Variants in PTPRN2 observed in about 807,000 individuals in gnomAD.
PTPRN2 encodes receptor-type tyrosine-protein phosphatase N2.
PTPRN2 carries 74 observed loss-of-function variants against 118.8 expected under a neutral mutation model. The observed-to-expected ratio is 0.62, with a 90% confidence interval of 0.52 to 0.76. The LOEUF (loss-of-function observed/expected upper bound fraction) is 0.76, where lower values mean the gene tolerates loss of function less well. PTPRN2 is among the 30% of genes least tolerant of loss of function. The pLI is 0.00. For synonymous variants in PTPRN2, 641 were observed against 608.0 expected (o/e 1.05, Z -0.80); for missense variants, 1,481 against 1,394.4 (o/e 1.06, Z -0.99).
chr7:158,411,508 G>T (rs188974419), intron 2 of PTPRN2, among the ~76,000 whole-genome samples: 1 of 152,168 alleles, frequency 6.6e-6, no homozygotes, highest in Non-Finnish European at 1.5e-5. Flanking sequence ...GGGAGCCAAG[G>T]CACCTGCAAG....
At chr7:158,368,827 G>C (rs1009362351) in intron 2 of PTPRN2, among the ~76,000 whole-genome samples, 4 of 152,242 alleles carry the variant, frequency 2.6e-5, no homozygotes, top group African/African-American at 7.2e-5. Flanking sequence ...CTGCCAGACA[G>C]AGGTGAAGAG....
chr7:157,969,518 G>T (rs138434978), intron 11 of PTPRN2, among the ~76,000 whole-genome samples: 4 of 152,312 alleles, frequency 2.6e-5, no homozygotes, highest in Admixed American at 6.5e-5. Flanking sequence ...GGAGCTGGGA[G>T]GTGGTGGCAG....
intron 12 of PTPRN2, among the ~76,000 whole-genome samples, chr7:157,840,453 A>ACCGCGTGTGACTGTGTGG (rs1808335918): frequency 7.5e-6 from 1 of 134,210 alleles, no homozygotes; most frequent in Non-Finnish European, 1.6e-5. Context: ...TGACTGTGTG[A>ACCGCGTGTGACTGTGTGG]CCGCGTGTGA....
intron 3 of PTPRN2, among the ~76,000 whole-genome samples, chr7:158,242,869 G>A (rs930412720): frequency 2.6e-5 from 4 of 152,042 alleles, no homozygotes; most frequent in South Asian, 2.1e-4. Flanking sequence ...CCATTGTAAC[G>A]CCTCTTCTTT....
chr7:157,959,352 C>G (rs114875698), intron 11 of PTPRN2, among the ~76,000 whole-genome samples: 2,384 of 152,278 alleles, frequency 0.016, 58 homozygotes, highest in African/African-American at 0.055. Context: ...GAAAAATAAA[C>G]AAATTGCACT....
At chr7:157,568,063 A>G (rs1198157697) in intron 21 of PTPRN2, among the ~76,000 whole-genome samples, 1 of 152,182 alleles carries the variant, frequency 6.6e-6, no homozygotes, top group East Asian at 1.9e-4. Flanking sequence ...CTTTTGAGAA[A>G]TGCCAGAGCT....
chr7:157,937,398 T>C (rs1402827300), intron 11 of PTPRN2, among the ~76,000 whole-genome samples: 1 of 152,180 alleles, frequency 6.6e-6, no homozygotes, highest in East Asian at 1.9e-4. Flanking sequence ...AGCAATTCAC[T>C]GAAGAAATGA....
rs1163767502 is a variant in PTPRN2 at position 158,544,617 on chromosome 7, A to G, written c.112+42941T>C. 6.6e-6 allele frequency among the ~76,000 whole-genome samples: 1 copy of G among 152,080 alleles called. No individual in the cohort carries two copies. The highest frequency in any genetic ancestry group is 1.5e-5 in the Non-Finnish European group (1 of 67,996). ...CGCACCATTGTACTCCAGCCTGGGC[A>G]ACAAGAACCAAACTCTGTCTCAAAA... On this transcript the variant is annotated intron_variant, in intron 1 of 22. Transcript: ENST00000389418. The surrounding 1 kb of genome is among the most constrained non-coding windows in gnomAD (Gnocchi z 4.2).
chr7:158,276,845 G>A (rs1050363559), intron 3 of PTPRN2, among the ~76,000 whole-genome samples: 1 of 152,190 alleles, frequency 6.6e-6, no homozygotes, highest in African/African-American at 2.4e-5. Context: ...CCTCGTAGTG[G>A]AGGCAGGGGC....
chr7:158,065,392 G>A (rs1024525724), intron 11 of PTPRN2, among the ~76,000 whole-genome samples: 18 of 152,242 alleles, frequency 1.2e-4, no homozygotes, highest in Non-Finnish European at 1.9e-4. Flanking sequence ...ACTCCAAAAT[G>A]CAACGTGCAG....
At chr7:158,228,900 AG>A (rs1563628482) in intron 3 of PTPRN2, among the ~76,000 whole-genome samples, 1 of 152,110 alleles carries the variant, frequency 6.6e-6, no homozygotes, top group East Asian at 1.9e-4. Context: ...CAGAGATAAA[AG>A]GGGGAGGTGG....
At chr7:157,600,347 CA>C (rs755576503) in intron 16 of PTPRN2, among the ~76,000 whole-genome samples, 3 of 152,252 alleles carry the variant, frequency 2.0e-5, no homozygotes, top group Non-Finnish European at 4.4e-5. Context: ...TTTGACTTCT[CA>C]AGTCTCTTTT....
At chr7:158,475,105 G>A (rs1440630034) in intron 2 of PTPRN2, among the ~76,000 whole-genome samples, 1 of 152,144 alleles carries the variant, frequency 6.6e-6, no homozygotes, top group Non-Finnish European at 1.5e-5. Context: ...GAAGAGCTGG[G>A]GGTGCTTGGG....
chr7:158,194,563 G>A (rs1338271814), intron 4 of PTPRN2, among the ~76,000 whole-genome samples: 1 of 152,210 alleles, frequency 6.6e-6, no homozygotes, highest in Non-Finnish European at 1.5e-5. Context: ...CCGGCGTCAT[G>A]CCCCACTGCC....
chr7:158,477,482 G>A (rs1301224113), intron 2 of PTPRN2, among the ~76,000 whole-genome samples: 4 of 152,112 alleles, frequency 2.6e-5, no homozygotes, highest in East Asian at 1.9e-4. Context: ...ATCCATATAC[G>A]TATAATTCAT....
chr7:158,209,992 T>A (rs118099331), intron 3 of PTPRN2, among the ~76,000 whole-genome samples: 1 of 152,146 alleles, frequency 6.6e-6, no homozygotes, highest in African/African-American at 2.4e-5. Flanking sequence ...TAGAGATTTC[T>A]TGAAACAAAT....
intron 11 of PTPRN2, among the ~76,000 whole-genome samples, chr7:157,949,954 A>T (rs931738302): frequency 6.6e-6 from 1 of 152,210 alleles, no homozygotes; most frequent in Non-Finnish European, 1.5e-5. Context: ...TGACTCATTA[A>T]GTTGAAGTTG....
At chr7:158,479,989 A>G (rs1296604427) in intron 2 of PTPRN2, among the ~76,000 whole-genome samples, 1 of 152,210 alleles carries the variant, frequency 6.6e-6, no homozygotes, top group African/African-American at 2.4e-5. Flanking sequence ...GAATTTCCCA[A>G]TTGGGATTCT....
At chr7:157,902,070 C>T (rs1021783800) in intron 11 of PTPRN2, among the ~76,000 whole-genome samples, 5 of 152,350 alleles carry the variant, frequency 3.3e-5, no homozygotes, top group Non-Finnish European at 7.3e-5. Context: ...CGGGCCAGCA[C>T]GGTAGTGACT....
Sources: allele counts gnomAD v4.1 joint callset (sites outside exome capture counted in the v4.1 genomes callset), GRCh38; gene constraint gnomAD v4.1.1; non-coding constraint Gnocchi (gnomAD v3.1); transcripts MANE v1.5; gene names NCBI Gene and HGNC (gene_info 2026-07-23, HGNC 2026-07-21).